Variants in LRP1B observed in about 807,000 individuals in gnomAD.
The protein encoded by LRP1B is low-density lipoprotein receptor-related protein 1B.
A neutral mutation model predicts 556.6 loss-of-function variants in LRP1B; 217 were observed. The observed-to-expected ratio is 0.39, with a 90% CI of 0.35 to 0.44. LRP1B has a LOEUF of 0.44. Among genes scored for constraint, LRP1B ranks in the 20% least tolerant of loss-of-function variants. The pLI is 1.00. For synonymous variants in LRP1B, 2,047 were observed against 1,865.8 expected (o/e 1.10, Z -2.50); for missense variants, 5,053 against 5,620.8 (o/e 0.90, Z 3.23).
rs1688462224 is a variant in LRP1B at position 140,748,813 on chromosome 2, GTATAT to G, written c.5758+20395_5758+20399del. On this transcript the variant is annotated intron_variant, in intron 35 of 90. Transcript: ENST00000389484. ...TATATTATATACATATTATATACAT[GTATAT>G]AATATATATCATATATTATATACAT... Among the ~76,000 whole-genome samples, 3 of 90,252 alleles carry G rather than the reference GTATAT, an allele frequency of 3.3e-5. 1 individual carries two copies. Among genetic ancestry groups the G allele is most frequent in the Non-Finnish European group, 6.5e-5 (3 of 46,272 alleles). The allele number at this position is 90,252 out of a possible 152,430, so 59.2% of individuals were successfully genotyped here.
At chr2:141,697,873 A>G (rs755432551) in intron 2 of LRP1B, among the ~76,000 whole-genome samples, 3 of 152,026 alleles carry the variant, frequency 2.0e-5, no homozygotes, top group Non-Finnish European at 2.9e-5. Context: ...AGCACTCAGC[A>G]CTGTTGTACA....
intron 7 of LRP1B, among the ~76,000 whole-genome samples, chr2:141,172,513 T>TG (rs1293371383): frequency 6.6e-6 from 1 of 152,050 alleles, no homozygotes. Context: ...TTATTTCATT[T>TG]GGGAAAAAAG....
At chr2:141,649,989 G>A (rs766152381) in intron 2 of LRP1B, among the ~76,000 whole-genome samples, 1 of 152,166 alleles carries the variant, frequency 6.6e-6, no homozygotes, top group Non-Finnish European at 1.5e-5. Flanking sequence ...AGACCAGCCT[G>A]GGCAACATGG....
At chr2:141,728,911 T>C (rs1316655307) in intron 2 of LRP1B, among the ~76,000 whole-genome samples, 1 of 152,156 alleles carries the variant, frequency 6.6e-6, no homozygotes, top group East Asian at 1.9e-4. Flanking sequence ...TCTCTTCCTG[T>C]CTCCCTTCTG....
At chr2:141,063,939 A>T (rs529948760) in intron 7 of LRP1B, among the ~76,000 whole-genome samples, 13 of 152,032 alleles carry the variant, frequency 8.6e-5, no homozygotes, top group African/African-American at 3.1e-4. Context: ...TTTAGATAGC[A>T]TTATGAAGCA....
chr2:140,392,333 T>A (rs1483618301), intron 66 of LRP1B, among the ~76,000 whole-genome samples: 1 of 151,950 alleles, frequency 6.6e-6, no homozygotes. Flanking sequence ...AAACGCTGAG[T>A]TTATCTTCAC....
chr2:141,857,263 C>G (rs1698083694), intron 1 of LRP1B, among the ~76,000 whole-genome samples: 1 of 152,012 alleles, frequency 6.6e-6, no homozygotes, highest in Admixed American at 6.6e-5. Context: ...TTATTTCAAG[C>G]CTTCATTATC....
intron 3 of LRP1B, among the ~76,000 whole-genome samples, chr2:141,288,785 G>A (rs1267251536): frequency 1.3e-5 from 2 of 152,084 alleles, no homozygotes; most frequent in Admixed American, 1.3e-4. Flanking sequence ...TGAAACAGAA[G>A]AATAAGAGGC....
chr2:140,418,998 C>T (rs1389464988), intron 66 of LRP1B, among the ~76,000 whole-genome samples: 1 of 151,778 alleles, frequency 6.6e-6, no homozygotes, highest in Non-Finnish European at 1.5e-5. Context: ...CCTGGCTTTG[C>T]CTATGGACTA....
At position 140,718,402 on chromosome 2, in the gene LRP1B, A is replaced by G. The variant is rs1380374875; in HGVS notation, c.5759-1586T>C. The stretch of plus-strand genomic sequence containing the variant: ...TTTTGTTCACTTTTTTCTTCTTTCA[A>G]TACATATCTATTATCCAACCACGTC... On this transcript the variant is annotated intron_variant, in intron 35 of 90. Transcript: ENST00000389484. Among the ~76,000 whole-genome samples the G allele has an allele frequency of 3.9e-5, 6 of 151,972 alleles. No homozygotes were observed. The South Asian group carries it at 6.2e-4, about 16-fold the overall frequency.
Position 140,796,926 on chromosome 2 carries a change from T to C in LRP1B, c.5359+16731A>G, listed in dbSNP as rs539748076. ...CCATTAAATCTTTTAAAATGATATG[T>C]TATTTGTCATGCTTCTCTTTATTTG... On this transcript the variant is annotated intron_variant, in intron 32 of 90. Transcript: ENST00000389484. 4.0e-5 allele frequency among the ~76,000 whole-genome samples: 6 copies of C among 151,892 alleles called. No homozygotes were observed. The East Asian group carries it at 1.2e-3, about 29-fold the overall frequency.
intron 1 of LRP1B, among the ~76,000 whole-genome samples, chr2:142,123,386 G>A (rs1177385560): frequency 6.6e-6 from 1 of 152,008 alleles, no homozygotes; most frequent in Non-Finnish European, 1.5e-5. Flanking sequence ...ATGTGGAAAA[G>A]TTAGGAAGGG....
At chr2:140,529,434 G>C (rs573791594) in intron 47 of LRP1B, among the ~76,000 whole-genome samples, 4 of 102,668 alleles carry the variant, frequency 3.9e-5, no homozygotes, top group Non-Finnish European at 5.7e-5. Context: ...AGCTGAAAAG[G>C]GGGGGGGGAA....
chr2:141,118,312 C>T (rs1207727929), intron 7 of LRP1B, among the ~76,000 whole-genome samples: 2 of 151,834 alleles, frequency 1.3e-5, no homozygotes, highest in African/African-American at 2.4e-5. Context: ...CATCTTATTA[C>T]AAAACTTTGA....
intron 2 of LRP1B, among the ~76,000 whole-genome samples, chr2:141,540,491 T>C (rs1685220623): frequency 1.3e-5 from 2 of 152,064 alleles, no homozygotes; most frequent in African/African-American, 4.8e-5. Context: ...TTGAAGAGCA[T>C]AATTTTAATG....
intron 7 of LRP1B, among the ~76,000 whole-genome samples, chr2:141,107,613 T>C (rs1243180842): frequency 6.6e-6 from 1 of 151,930 alleles, no homozygotes; most frequent in African/African-American, 2.4e-5. Context: ...GCCACTGCAC[T>C]CCAGCCTGGC....
At position 141,505,275 on chromosome 2, in the gene LRP1B, G is replaced by A. The variant is rs1486313053; in HGVS notation, c.206-24742C>T. Among the ~76,000 whole-genome samples, 4 of 151,996 alleles carry A rather than the reference G, an allele frequency of 2.6e-5. No individual in the cohort carries two copies. The East Asian group carries it at 7.7e-4, about 29-fold the overall frequency. On this transcript the variant is annotated intron_variant, in intron 2 of 90. Coordinates refer to ENST00000389484, the MANE Select transcript of LRP1B (RefSeq NM_018557.3). ...GTAACCATTTCTTCATATATTCAGA[G>A]GCAAATATTTGTAAGTCTCAGCAAA...
intron 2 of LRP1B, among the ~76,000 whole-genome samples, chr2:141,515,079 G>C (rs1173298541): frequency 1.3e-5 from 2 of 152,172 alleles, no homozygotes; most frequent in African/African-American, 4.8e-5. Context: ...GACGCAGGCA[G>C]ATCACCTGAG....
At chr2:140,820,185 G>C (rs1263829666) in intron 31 of LRP1B, among the ~76,000 whole-genome samples, 1 of 151,978 alleles carries the variant, frequency 6.6e-6, no homozygotes, top group Non-Finnish European at 1.5e-5. Flanking sequence ...TTGCCACATT[G>C]GCCAGGCTAG....
Sources: gnomAD v4.1 joint callset for allele counts (sites outside exome capture counted in the v4.1 genomes callset) on GRCh38, gnomAD v4.1.1 for gene constraint, MANE v1.5 for transcripts, NCBI Gene and HGNC (gene_info 2026-07-23, HGNC 2026-07-21) for gene names.